MINDY4: variants seen among roughly 807,000 people sequenced by gnomAD.
The protein encoded by MINDY4 is MINDY lysine 48 deubiquitinase 4.
Under a neutral mutation model 87.0 loss-of-function variants are expected in MINDY4, and 68 were observed. That is an observed-to-expected ratio of 0.78 (90% CI 0.64 to 0.96). The LOEUF (loss-of-function observed/expected upper bound fraction) is 0.96, where lower values mean the gene tolerates loss of function less well. Among genes scored for constraint, MINDY4 ranks in the 40% least tolerant of loss-of-function variants. The pLI is 0.00. For synonymous variants in MINDY4, 379 were observed against 363.2 expected, an observed-to-expected ratio of 1.04 and a Z score of -0.50; for missense variants, 919 against 928.2, an observed-to-expected ratio of 0.99 and a Z score of 0.13.
At chr7:30,795,302 G>T (rs1397229998) in intron 5 of MINDY4, among the ~76,000 whole-genome samples, 4 of 152,200 alleles carry the variant, frequency 2.6e-5, no homozygotes, top group African/African-American at 9.6e-5. Context: ...TCAGAAACCT[G>T]GGTGTAACTG....
chr7:30,839,844 A>G (rs556478233), intron 8 of MINDY4, among the ~76,000 whole-genome samples: 1 of 152,232 alleles, frequency 6.6e-6, no homozygotes, highest in Non-Finnish European at 1.5e-5. Flanking sequence ...GCGGAGGCCA[A>G]TGGTTGCAGG....
intron 5 of MINDY4, among the ~76,000 whole-genome samples, chr7:30,801,210 A>G (rs1334513419): frequency 6.6e-6 from 1 of 152,186 alleles, no homozygotes; most frequent in Non-Finnish European, 1.5e-5. Flanking sequence ...GCTTCTGAGC[A>G]TCCCAGCTCT....
In MINDY4 at chr7:30,828,670, A is replaced by G. The variant is rs181460205; in HGVS notation, c.1074-9A>G. 571 of 1,613,738 alleles carry G rather than the reference A, an allele frequency of 3.5e-4. 3 individuals carry two copies. In the African/African-American group the frequency reaches 6.3e-3, roughly 18 times the overall value. ...CTCCTCTGGTACATTGATATTTTCT[A>G]TTTTCCAGGAAAAATCAGTTGCTGC... On this transcript the variant is annotated splice_polypyrimidine_tract_variant and intron_variant, in intron 5 of 17. Coordinates refer to ENST00000265299, the MANE Select transcript of MINDY4 (RefSeq NM_032222.3).
In MINDY4 at chr7:30,860,576, C is replaced by T. The variant is rs146544214; in HGVS notation, c.1745+1252C>T. On this transcript the variant is annotated intron_variant, in intron 13 of 17. Coordinates refer to ENST00000265299, the MANE Select transcript of MINDY4 (RefSeq NM_032222.3). ...CAGATCTCCCTGAGGGGAAGCTGCACTCTCAGGAGGGCCAGGCTCAATGAT... is the reference window on the plus strand; with the variant it reads ...CAGATCTCCCTGAGGGGAAGCTGCATTCTCAGGAGGGCCAGGCTCAATGAT... Among the ~76,000 whole-genome samples, 326 of 152,226 alleles carry T rather than the reference C, an allele frequency of 2.1e-3. 2 individuals carry two copies. The highest frequency in any genetic ancestry group is 7.6e-3 in the African/African-American group (314 of 41,538).
At chr7:30,869,470 C>G (rs922651583) in intron 13 of MINDY4, among the ~76,000 whole-genome samples, 4 of 152,180 alleles carry the variant, frequency 2.6e-5, no homozygotes, top group Admixed American at 6.5e-5. Context: ...ACATTCGTGT[C>G]TTACAGCCCT....
chr7:30,792,299 C>A (rs1000218892), intron 5 of MINDY4, among the ~76,000 whole-genome samples: 9 of 152,074 alleles, frequency 5.9e-5, no homozygotes, highest in Admixed American at 5.9e-4. Context: ...ATTAATATTT[C>A]GTGTAGGGGT....
chr7:30,865,855 G>T (rs555247121), intron 13 of MINDY4, among the ~76,000 whole-genome samples: 38 of 152,184 alleles, frequency 2.5e-4, no homozygotes, highest in African/African-American at 9.2e-4. Flanking sequence ...TGCCTGCATC[G>T]TCTTCCCTGG....
intron 5 of MINDY4, among the ~76,000 whole-genome samples, chr7:30,816,604 CCCTCCCGCCCCCCTG>C (rs953676600): frequency 6.8e-6 from 1 of 147,126 alleles, no homozygotes; most frequent in Non-Finnish European, 1.5e-5. Context: ...GTTTCTCCCT[CCCTCCCGCCCCCCTG>C]CCTCCCAAAT....
At chr7:30,772,258 C>G (rs970884322) in intron 1 of MINDY4, among the ~76,000 whole-genome samples, 13 of 152,114 alleles carry the variant, frequency 8.5e-5, no homozygotes, top group Non-Finnish European at 1.8e-4. Context: ...GGGCTGCACT[C>G]TGTGTGTTTT....
chr7:30,777,151 AG>A (rs1324442584), intron 1 of MINDY4, among the ~76,000 whole-genome samples: 1 of 152,064 alleles, frequency 6.6e-6, no homozygotes, highest in Non-Finnish European at 1.5e-5. Context: ...CAGGGACTGC[AG>A]GCCTATGGCA....
At position 30,785,788 on chromosome 7, in the gene MINDY4, A is replaced by G; in HGVS notation, c.459A>G (p.Val153=). 1.9e-6 allele frequency: 3 copies of G among 1,614,206 alleles called. No homozygotes were observed. Among genetic ancestry groups the G allele is most frequent in the Non-Finnish European group, 2.5e-6 (3 of 1,180,024 alleles). Residue 153 remains valine, a synonymous_variant, in exon 4 of 18, where the codon GTA becomes GTG. Transcript: ENST00000265299. The part of the protein sequence containing the change: ...NLDGDVLGNF[V]SSKRPPHKSK... ...ATGGAGATGTACTTGGTAATTTTGT[A>G]TCATCTAAAAGGCCCCCGCACAAAA...
chr7:30,860,501 T>C (rs569269883), intron 13 of MINDY4, among the ~76,000 whole-genome samples: 1 of 152,296 alleles, frequency 6.6e-6, no homozygotes, highest in African/African-American at 2.4e-5. Context: ...AGGACTGGGT[T>C]TGCTCCTGGT....
chr7:30,870,312 G>C (rs1790064219), intron 13 of MINDY4, among the ~76,000 whole-genome samples: 2 of 152,206 alleles, frequency 1.3e-5, no homozygotes, highest in East Asian at 1.9e-4. Context: ...CCCCCCTCAG[G>C]ACCCTTTTGA....
chr7:30,828,937 T>C (rs62449065), intron 6 of MINDY4, among the ~76,000 whole-genome samples, 200 bp downstream of exon 6: 27,731 of 151,658 alleles, frequency 0.18, 2,992 homozygotes, highest in African/African-American at 0.32. Flanking sequence ...GGGGACATCC[T>C]AGTAAGAAGA....
intron 17 of MINDY4, among the ~76,000 whole-genome samples, chr7:30,889,346 G>A (rs1790726707): frequency 1.3e-5 from 2 of 152,208 alleles, no homozygotes; most frequent in African/African-American, 4.8e-5. Flanking sequence ...AGGAGCTGGG[G>A]TCAGCACAAT....
At chr7:30,796,907 A>C (rs1036233324) in intron 5 of MINDY4, 1 of 151,820 alleles carries the variant, frequency 6.6e-6, no homozygotes, top group African/African-American at 2.4e-5. Flanking sequence ...CAAAAAAAAA[A>C]AAAAGACCCT....
At chr7:30,796,360 G>C (rs1787489581) in intron 5 of MINDY4, among the ~76,000 whole-genome samples, 1 of 152,160 alleles carries the variant, frequency 6.6e-6, no homozygotes, top group Admixed American at 6.5e-5. Flanking sequence ...GGGGCCTGCT[G>C]TGGTGAGTCC....
intron 17 of MINDY4, among the ~76,000 whole-genome samples, chr7:30,890,302 G>A (rs1371079063): frequency 6.6e-6 from 1 of 152,250 alleles, no homozygotes; most frequent in Admixed American, 6.5e-5. Context: ...GGGCAGGACT[G>A]CGTCTTGTGT....
intron 5 of MINDY4, among the ~76,000 whole-genome samples, chr7:30,814,176 T>G (rs967347844): frequency 8.5e-5 from 13 of 152,232 alleles, no homozygotes; most frequent in Non-Finnish European, 1.5e-5. Flanking sequence ...GTATTTAATT[T>G]TCGCAAATTT....
Sources: allele counts gnomAD v4.1 joint callset (sites outside exome capture counted in the v4.1 genomes callset), GRCh38; gene constraint gnomAD v4.1.1; transcripts MANE v1.5; gene names NCBI Gene and HGNC (gene_info 2026-07-23, HGNC 2026-07-21).